Variants in SLC12A7 observed in about 807,000 individuals in gnomAD.
SLC12A7 encodes the protein solute carrier family 12 member 7.
In SLC12A7, 100 loss-of-function variants were observed where a neutral mutation model predicts 120.6. The ratio of observed to expected loss-of-function variants is 0.83; its 90% CI spans 0.71 to 0.98. The LOEUF is 0.98. Among genes scored for constraint, SLC12A7 ranks in the 50% least tolerant of loss-of-function variants. The pLI is 0.00. For missense variants in SLC12A7, 1,373 were observed against 1,548.1 expected (o/e 0.89, Z 1.90); for synonymous variants, 760 against 678.0 (o/e 1.12, Z -1.88).
intron 1 of SLC12A7, among the ~76,000 whole-genome samples, chr5:1,107,593 G>A (rs1366120776): frequency 1.3e-5 from 2 of 152,290 alleles, no homozygotes. Flanking sequence ...CTTCGGCCCC[G>A]ACCAGCCGCC....
chr5:1,119,792 GGTC>G, the SLC12A7 span, among the ~76,000 whole-genome samples: 4 of 152,270 alleles, frequency 2.6e-5, no homozygotes, highest in African/African-American at 9.6e-5. Flanking sequence ...GGACAAATGG[GGTC>G]CACCGGCGCT....
chr5:1,123,227 G>A, the SLC12A7 span, among the ~76,000 whole-genome samples: 1 of 152,208 alleles, frequency 6.6e-6, no homozygotes, highest in African/African-American at 2.4e-5. Context: ...CAGGGAGGCA[G>A]TGGCTTGCCC....
chr5:1,067,928 C>T (rs1169907579), intron 17 of SLC12A7, among the ~76,000 whole-genome samples: 5 of 119,022 alleles, frequency 4.2e-5, no homozygotes, highest in Non-Finnish European at 8.9e-5. Context: ...GTCCCCGCAC[C>T]TGCCCGGCGC....
intron 9 of SLC12A7, 151 bp from the exon 10 acceptor site, chr5:1,079,647 G>A (rs576824986): frequency 6.4e-5 from 42 of 658,586 alleles, no homozygotes; most frequent in African/African-American, 5.4e-4. Flanking sequence ...GCCAGCCCAC[G>A]CTGCAATACT....
rs545697710 is a variant in SLC12A7, at chr5:1,108,966, C to T, written c.124+2902G>A. Among the ~76,000 whole-genome samples the T allele has an allele frequency of 8.5e-5, 13 of 152,304 alleles. No individual in the cohort carries two copies. The South Asian group carries it at 1.7e-3, about 19-fold the overall frequency. The stretch of plus-strand genomic sequence containing the variant: ...CAGCCACAGTGGAAAATCTCAGAAA[C>T]GGAACCCAAAGAGGGAAGTGGCGCC... On this transcript the variant is annotated intron_variant, in intron 1 of 23. Transcript: ENST00000264930.
rs560754114 is a variant in SLC12A7 at position 1,082,407 on chromosome 5, G to A, written c.1130-663C>T. Among the ~76,000 whole-genome samples, 317 of 140,262 alleles carry A rather than the reference G, an allele frequency of 2.3e-3. 5 individuals carry two copies. Among genetic ancestry groups the A allele is most frequent in the South Asian group, 9.7e-3 (41 of 4,240 alleles). 92.0% of individuals were successfully genotyped at this position (140,262 alleles called of 152,430 possible). On this transcript the variant is annotated intron_variant, in intron 8 of 23. Coordinates refer to ENST00000264930, the MANE Select transcript of SLC12A7 (RefSeq NM_006598.3). ...CTGGAAAGTCCAGGCTTCCCGTCTC[G>A]GGTTCTGGAAAGCCTGGGCTTCCCA...
At chr5:1,128,180 C>G in the SLC12A7 span, among the ~76,000 whole-genome samples, 52 of 152,226 alleles carry the variant, frequency 3.4e-4, 1 homozygote, top group African/African-American at 1.2e-3. Flanking sequence ...AACACTCTCG[C>G]CCCTTCCCCT....
In SLC12A7 at chr5:1,084,919, T is replaced by C. The variant is rs7727079; in HGVS notation, c.917+313A>G. 0.9 allele frequency among the ~76,000 whole-genome samples: 137,142 copies of C among 152,204 alleles called. 63,453 individuals are homozygous for C. The highest frequency in any genetic ancestry group is 1 in the East Asian group (5,143 of 5,146). On this transcript the variant is annotated intron_variant, in intron 7 of 23. Transcript: ENST00000264930. ...CCAGCAGCAGCCAGGGCCACACCCA[T>C]GACGCTCACTGCACCTGACCGTGCT...
At chr5:1,155,144 G>C in the SLC12A7 span, among the ~76,000 whole-genome samples, 1 of 146,606 alleles carries the variant, frequency 6.8e-6, no homozygotes, top group Non-Finnish European at 1.5e-5. Flanking sequence ...CGTGTGAGCA[G>C]CGAGTGGTCA....
chr5:1,073,942 G>A (rs951461108), intron 16 of SLC12A7, 141 bp from the exon 17 acceptor site: 7 of 785,834 alleles, frequency 8.9e-6, no homozygotes, highest in Non-Finnish European at 1.2e-5. Flanking sequence ...GGGGACAAAA[G>A]GGGCAGGTGA....
chr5:1,143,817 C>T, the SLC12A7 span, among the ~76,000 whole-genome samples: 8 of 152,284 alleles, frequency 5.3e-5, no homozygotes, highest in Admixed American at 2.6e-4. Context: ...CAGACACTCT[C>T]GGGCAGAGTG....
In SLC12A7 at chr5:1,057,939, A is replaced by T. The variant is rs554998736; in HGVS notation, c.2848-290T>A. On this transcript the variant is annotated intron_variant, in intron 21 of 23. Coordinates refer to ENST00000264930, the MANE Select transcript of SLC12A7 (RefSeq NM_006598.3). ...GACAGGAGGTGACACGTGCTGGCAG[A>T]GTCTCCCCCTCACCTGACGGGGCTC... is the stretch of plus-strand genomic sequence containing the variant. Among the ~76,000 whole-genome samples, 19 of 152,302 alleles carry T rather than the reference A, an allele frequency of 1.2e-4. No homozygotes were observed. In the South Asian group the frequency reaches 3.7e-3, roughly 30 times the overall value.
intron 15 of SLC12A7, among the ~76,000 whole-genome samples, chr5:1,075,024 G>A (rs2150830221): frequency 6.6e-6 from 1 of 152,310 alleles, no homozygotes; most frequent in East Asian, 1.9e-4. Flanking sequence ...CACGGGGAAG[G>A]ACGCCTGTGG....
At chr5:1,135,822 G>A in the SLC12A7 span, among the ~76,000 whole-genome samples, 1 of 152,198 alleles carries the variant, frequency 6.6e-6, no homozygotes, top group Non-Finnish European at 1.5e-5. Flanking sequence ...ACAGCTGGTG[G>A]GTTTTCCAAA....
At chr5:1,067,371 C>T (rs542116490) in intron 17 of SLC12A7, among the ~76,000 whole-genome samples, 2 of 152,334 alleles carry the variant, frequency 1.3e-5, no homozygotes, top group Admixed American at 6.5e-5. Context: ...GGGAAGCACC[C>T]GCATCGGGCG....
At chr5:1,121,523 A>G in the SLC12A7 span, among the ~76,000 whole-genome samples, 112 of 152,354 alleles carry the variant, frequency 7.4e-4, no homozygotes, top group African/African-American at 2.7e-3. Context: ...GCCTCAAGTA[A>G]TCGTGGAAAG....
chr5:1,141,392 G>A, the SLC12A7 span, among the ~76,000 whole-genome samples: 2 of 152,192 alleles, frequency 1.3e-5, no homozygotes, highest in African/African-American at 4.8e-5. Flanking sequence ...ATGGAGAGAT[G>A]TCACTGAGCC....
chr5:1,081,397 C>T (rs1366828335), intron 9 of SLC12A7, among the ~76,000 whole-genome samples, 180 bp downstream of exon 9: 1 of 152,112 alleles, frequency 6.6e-6, no homozygotes, highest in Non-Finnish European at 1.5e-5. Flanking sequence ...GTACTGGGTG[C>T]CTGGGGTCCC....
At chr5:1,084,219 G>A (rs557471285) in intron 7 of SLC12A7, among the ~76,000 whole-genome samples, 17 of 152,314 alleles carry the variant, frequency 1.1e-4, no homozygotes, top group South Asian at 1.0e-3. Flanking sequence ...CAGCAGGAAC[G>A]CTGTACTGTA....
Sources: allele counts gnomAD v4.1 joint callset (sites outside exome capture counted in the v4.1 genomes callset), GRCh38; gene constraint gnomAD v4.1.1; transcripts MANE v1.5; gene names NCBI Gene and HGNC (gene_info 2026-07-23, HGNC 2026-07-21).